The following KAZN variants were observed in gnomAD, a reference collection of about 807,000 sequenced individuals.
KAZN encodes kazrin, periplakin interacting protein, also known as kazrin.
A neutral mutation model predicts 87.4 loss-of-function variants in KAZN; 40 were observed. That is an observed-to-expected ratio of 0.46 (90% confidence interval 0.36 to 0.60). The LOEUF (loss-of-function observed/expected upper bound fraction) is 0.60, where lower values mean the gene tolerates loss of function less well. Among genes scored for constraint, KAZN ranks in the 20% least tolerant of loss-of-function variants. The pLI, the probability that KAZN is intolerant of heterozygous loss-of-function variation, is 0.00. For missense variants in KAZN, 898 were observed against 1,073.9 expected, an observed-to-expected ratio of 0.84 and a Z score of 2.29; for synonymous variants, 466 against 458.3, an observed-to-expected ratio of 1.02 and a Z score of -0.22.
At chr1:14,810,185 T>C (rs551392859) in intron 1 of KAZN, among the ~76,000 whole-genome samples, 4 of 152,220 alleles carry the variant, frequency 2.6e-5, no homozygotes, top group African/African-American at 9.6e-5. Context: ...TTGAGAACTT[T>C]TGGGTTCAAG....
intron 2 of KAZN, among the ~76,000 whole-genome samples, chr1:14,231,491 A>G (rs1173205658): frequency 6.6e-6 from 1 of 152,166 alleles, no homozygotes; most frequent in Non-Finnish European, 1.5e-5. Context: ...ATATAAAGGG[A>G]TGTCAAATGG....
chr1:14,897,743 T>C (rs894812213), intron 1 of KAZN, among the ~76,000 whole-genome samples: 1 of 152,216 alleles, frequency 6.6e-6, no homozygotes, highest in African/African-American at 2.4e-5. Flanking sequence ...GCCGTTGTGA[T>C]ATGTTATCTT....
intron 1 of KAZN, among the ~76,000 whole-genome samples, chr1:14,726,139 T>C (rs1349906563): frequency 1.3e-5 from 2 of 152,178 alleles, no homozygotes; most frequent in African/African-American, 4.8e-5. Flanking sequence ...CTTCAGATGC[T>C]TTGGTTCTGC....
intron 2 of KAZN, among the ~76,000 whole-genome samples, chr1:14,424,464 G>A (rs1665600300): frequency 1.3e-5 from 2 of 152,150 alleles, no homozygotes; most frequent in African/African-American, 4.8e-5. Context: ...TCCCCAGCAA[G>A]CGAGTGCCTT....
intron 1 of KAZN, among the ~76,000 whole-genome samples, chr1:14,768,273 T>A (rs1249611430): frequency 6.6e-6 from 1 of 152,220 alleles, no homozygotes; most frequent in Non-Finnish European, 1.5e-5. Context: ...ATAAATGAAT[T>A]TGTGAAAATA....
At chr1:14,081,777 T>C (rs1325539878) in intron 1 of KAZN, among the ~76,000 whole-genome samples, 1 of 152,040 alleles carries the variant, frequency 6.6e-6, no homozygotes, top group Non-Finnish European at 1.5e-5. Context: ...TTTTGAGACA[T>C]AGTCTCATTC....
chr1:14,389,664 A>C (rs1557683784), intron 2 of KAZN, among the ~76,000 whole-genome samples: 1 of 152,140 alleles, frequency 6.6e-6, no homozygotes, highest in Non-Finnish European at 1.5e-5. Context: ...AATTTAACTC[A>C]TGGAGATAGA....
Position 14,190,350 on chromosome 1 carries a change from C to T in KAZN, c.249+9758C>T, listed in dbSNP as rs151191337. Among the ~76,000 whole-genome samples the T allele has an allele frequency of 4.0e-3, 604 of 152,198 alleles. 6 individuals are homozygous for T. The highest frequency in any genetic ancestry group is 0.013 in the African/African-American group (524 of 41,540). ...CCTCCATTATCTCATTTAATACCCC[C>T]GGTGACTTTGTGAGGGACGTGGGAT... On this transcript the variant is annotated intron_variant, in intron 2 of 16. Coordinates refer to the KAZN transcript ENST00000636203.
At chr1:14,444,605 G>A (rs552796304) in intron 2 of KAZN, among the ~76,000 whole-genome samples, 30 of 152,150 alleles carry the variant, frequency 2.0e-4, no homozygotes, top group African/African-American at 6.3e-4. Context: ...GAGCCACCGC[G>A]TCCGGCCCGA....
chr1:14,201,461 G>A (rs1646637991), intron 2 of KAZN, among the ~76,000 whole-genome samples: 1 of 152,166 alleles, frequency 6.6e-6, no homozygotes, highest in African/African-American at 2.4e-5. Context: ...CGGAGCAGCT[G>A]GTGGAGCCTG....
chr1:14,401,184 T>G (rs775230166), intron 2 of KAZN, among the ~76,000 whole-genome samples: 3 of 152,136 alleles, frequency 2.0e-5, no homozygotes, highest in Non-Finnish European at 4.4e-5. Context: ...CCCAGACACC[T>G]GAGAATTTGT....
At chr1:14,169,539 G>C (rs1241708627) in intron 1 of KAZN, among the ~76,000 whole-genome samples, 1 of 152,196 alleles carries the variant, frequency 6.6e-6, no homozygotes, top group Admixed American at 6.5e-5. Flanking sequence ...AGCACACACA[G>C]GGGTGTGAGA....
At chr1:14,525,684 A>AG (rs1256557959) in intron 2 of KAZN, among the ~76,000 whole-genome samples, 1 of 152,350 alleles carries the variant, frequency 6.6e-6, no homozygotes, top group African/African-American at 2.4e-5. Context: ...CCCATAGGAA[A>AG]AAAAATGATT....
chr1:14,147,777 A>G (rs1413127176), intron 1 of KAZN, among the ~76,000 whole-genome samples: 1 of 148,676 alleles, frequency 6.7e-6, no homozygotes, highest in East Asian at 2.1e-4. Context: ...GCCTGGCGAC[A>G]GAGCAAGACT....
chr1:14,944,581 A>G (rs1330832726), intron 1 of KAZN, among the ~76,000 whole-genome samples: 1 of 152,184 alleles, frequency 6.6e-6, no homozygotes, highest in Non-Finnish European at 1.5e-5. Flanking sequence ...GTGTCTGTGC[A>G]TGGGAGATGG....
At chr1:14,276,111 C>A (rs1652324050) in intron 2 of KAZN, among the ~76,000 whole-genome samples, 1 of 151,876 alleles carries the variant, frequency 6.6e-6, no homozygotes, top group South Asian at 2.1e-4. Context: ...GAGCTCCCTG[C>A]AGCAGCCTTT....
chr1:14,035,350 A>G (rs1641507465), intron 1 of KAZN, among the ~76,000 whole-genome samples: 1 of 152,154 alleles, frequency 6.6e-6, no homozygotes, highest in Non-Finnish European at 1.5e-5. Context: ...GATGGAGAGA[A>G]GGCTTCCCAG....
intron 1 of KAZN, among the ~76,000 whole-genome samples, chr1:13,910,541 T>C (rs1458290701): frequency 6.6e-6 from 1 of 150,992 alleles, no homozygotes; most frequent in African/African-American, 2.4e-5. Context: ...CTCCCCCACC[T>C]TGCTCCTGCT....
At chr1:14,583,026 G>A (rs780531346) in intron 2 of KAZN, among the ~76,000 whole-genome samples, 4 of 152,168 alleles carry the variant, frequency 2.6e-5, no homozygotes, top group Non-Finnish European at 5.9e-5. Context: ...ACAAGCATTT[G>A]TTCCATGCCT....
Sources: allele counts gnomAD v4.1 joint callset (sites outside exome capture counted in the v4.1 genomes callset), GRCh38; gene constraint gnomAD v4.1.1; transcripts MANE v1.5; gene names NCBI Gene and HGNC (gene_info 2026-07-23, HGNC 2026-07-21).